The following OPCML variants were observed in gnomAD, a reference collection of about 807,000 sequenced individuals.
The protein encoded by OPCML is opioid-binding protein/cell adhesion molecule.
Under a neutral mutation model 37.8 loss-of-function variants are expected in OPCML, and 13 were observed. The ratio of observed to expected loss-of-function variants is 0.34; its 90% confidence interval spans 0.22 to 0.55. OPCML has a LOEUF of 0.55. Ranked by LOEUF, OPCML falls within the 20% of genes least tolerant of loss-of-function variation. The probability of loss-of-function intolerance (pLI) is 0.91; values close to 1 mark genes in which losing one functional copy is unlikely to be tolerated. For synonymous variants in OPCML, 176 were observed against 168.8 expected, an observed-to-expected ratio of 1.04 and a Z score of -0.33; for missense variants, 341 against 435.6, an observed-to-expected ratio of 0.78 and a Z score of 1.93.
intron 1 of OPCML, among the ~76,000 whole-genome samples, chr11:133,231,784 A>G (rs1056140482): frequency 1.3e-5 from 2 of 152,218 alleles, no homozygotes; most frequent in African/African-American, 4.8e-5. Context: ...GAGACCACAC[A>G]TGTAAAGAAC....
intron 4 of OPCML, among the ~76,000 whole-genome samples, chr11:132,481,105 C>A (rs1361677523): frequency 2.6e-5 from 4 of 152,020 alleles, no homozygotes; most frequent in East Asian, 1.9e-4. Context: ...ACTAAATGCT[C>A]CAATTAAAAG....
intron 4 of OPCML, among the ~76,000 whole-genome samples, chr11:132,464,033 A>G (rs1464150341): frequency 6.6e-6 from 1 of 152,208 alleles, no homozygotes; most frequent in Non-Finnish European, 1.5e-5. Flanking sequence ...TCTGTAATTT[A>G]TGTAACTTAG....
chr11:132,844,944 A>C (rs1390783594), intron 2 of OPCML, among the ~76,000 whole-genome samples: 1 of 40,322 alleles, frequency 2.5e-5, no homozygotes, highest in Non-Finnish European at 6.4e-5. Flanking sequence ...ATAAAAGGAA[A>C]TGTAAAAAAA....
intron 1 of OPCML, among the ~76,000 whole-genome samples, chr11:133,189,133 C>A (rs1034501417): frequency 1.3e-5 from 2 of 152,156 alleles, no homozygotes; most frequent in African/African-American, 4.8e-5. Context: ...TCCTTACTGC[C>A]TTCTTTCCCC....
intron 2 of OPCML, among the ~76,000 whole-genome samples, chr11:132,813,801 G>A (rs114196065): frequency 1.3e-5 from 2 of 151,980 alleles, no homozygotes; most frequent in African/African-American, 4.8e-5. Context: ...TGCTTCCCCC[G>A]GTGTATTGCT....
chr11:132,873,536 C>T (rs1392421442), intron 2 of OPCML, among the ~76,000 whole-genome samples: 1 of 151,580 alleles, frequency 6.6e-6, no homozygotes, highest in African/African-American at 2.4e-5. Flanking sequence ...CCAATGGGTG[C>T]TAGAGAGGTA....
At chr11:132,748,063 C>CTT (rs34569655) in intron 2 of OPCML, among the ~76,000 whole-genome samples, 4,446 of 140,444 alleles carry the variant, frequency 0.032, 137 homozygotes, top group African/African-American at 0.077. Context: ...AGCTGCTTGT[C>CTT]TTTTTTTTTT....
At position 133,406,937 on chromosome 11, in the gene OPCML, T is replaced by C. The variant is rs569558204; in HGVS notation, c.61+125327A>G. ...TTAATCAGAGAAATAAATACATCAG[T>C]GATCACTTGATGGAAGACAACCTGG... is the stretch of plus-strand genomic sequence containing the variant. On this transcript the variant is annotated intron_variant, in intron 1 of 7. Coordinates refer to ENST00000524381, the MANE Select transcript of OPCML (RefSeq NM_001012393.5). 1.8e-4 allele frequency among the ~76,000 whole-genome samples: 28 copies of C among 152,294 alleles called. No homozygotes were observed. In the South Asian group the frequency reaches 5.6e-3, roughly 30 times the overall value.
intron 1 of OPCML, among the ~76,000 whole-genome samples, chr11:133,178,485 G>A (rs529417575): frequency 6.6e-6 from 1 of 152,174 alleles, no homozygotes; most frequent in East Asian, 1.9e-4. Context: ...CTCTTGCCAG[G>A]TGGAAAGTAC....
At chr11:132,710,881 A>C (rs7925412) in intron 2 of OPCML, among the ~76,000 whole-genome samples, 4,414 of 152,042 alleles carry the variant, frequency 0.029, 209 homozygotes, top group African/African-American at 0.1. Flanking sequence ...AAGAAAAAGG[A>C]AAAAAAGTGA....
chr11:133,429,253 C>T (rs1276480686), intron 1 of OPCML, among the ~76,000 whole-genome samples: 2 of 152,144 alleles, frequency 1.3e-5, no homozygotes, highest in African/African-American at 4.8e-5. Context: ...GAGGTGGGAA[C>T]CAGTCTGACG....
chr11:133,140,766 A>AC (rs1565467870), intron 1 of OPCML, among the ~76,000 whole-genome samples: 7 of 112,568 alleles, frequency 6.2e-5, no homozygotes, highest in Non-Finnish European at 1.3e-4. Context: ...AAGACGACGA[A>AC]GAAGAAGAAG....
chr11:132,494,213 C>A (rs909633765), intron 4 of OPCML, among the ~76,000 whole-genome samples: 3 of 152,148 alleles, frequency 2.0e-5, no homozygotes, highest in African/African-American at 4.8e-5. Context: ...TCAGTTGAAA[C>A]GTGTTGGGTT....
At chr11:132,944,434 C>T (rs548200149) in intron 1 of OPCML, among the ~76,000 whole-genome samples, 1 of 152,266 alleles carries the variant, frequency 6.6e-6, no homozygotes, top group African/African-American at 2.4e-5. Context: ...CCTGGGCCCG[C>T]GCAGAGGTGG....
Position 132,973,278 on chromosome 11 carries a change from G to C in OPCML, c.62-30268C>G, listed in dbSNP as rs554737523. On this transcript the variant is annotated intron_variant, in intron 1 of 7. Transcript: ENST00000524381. ...GTGGGTATTGTCACAAAATATAATT[G>C]TTCCCTTCCACCTCCAAAATCACTT... Among the ~76,000 whole-genome samples, 22 of 152,152 alleles carry C rather than the reference G, an allele frequency of 1.4e-4. No individual in the cohort carries two copies. In the East Asian group the frequency reaches 4.3e-3, roughly 30 times the overall value.
chr11:132,487,273 G>A (rs1295851766), intron 4 of OPCML, among the ~76,000 whole-genome samples: 1 of 152,152 alleles, frequency 6.6e-6, no homozygotes, highest in African/African-American at 2.4e-5. Context: ...TGCCCATGAC[G>A]GGCAACGTCT....
intron 1 of OPCML, among the ~76,000 whole-genome samples, chr11:133,473,361 C>T (rs1327790703): frequency 6.6e-6 from 1 of 152,128 alleles, no homozygotes; most frequent in African/African-American, 2.4e-5. Flanking sequence ...ATCGAAATTC[C>T]TGTGAAAATG....
intron 3 of OPCML, among the ~76,000 whole-genome samples, chr11:132,588,199 G>A (rs923251405): frequency 2.0e-5 from 3 of 152,072 alleles, no homozygotes; most frequent in African/African-American, 7.2e-5. Context: ...GACTATGTTT[G>A]GGATCTGGTG....
At chr11:133,295,957 T>TG (rs1942619202) in intron 1 of OPCML, among the ~76,000 whole-genome samples, 1 of 152,230 alleles carries the variant, frequency 6.6e-6, no homozygotes, top group South Asian at 2.1e-4. Context: ...TCCTCATTAA[T>TG]GAGTTAAATA....
Sources: allele counts gnomAD v4.1 joint callset (sites outside exome capture counted in the v4.1 genomes callset), GRCh38; gene constraint gnomAD v4.1.1; transcripts MANE v1.5; gene names NCBI Gene and HGNC (gene_info 2026-07-23, HGNC 2026-07-21).